Variants in YY1 observed in about 807,000 individuals in gnomAD.
The protein encoded by YY1 is transcriptional repressor protein YY1.
YY1 carries 2 observed loss-of-function variants against 35.6 expected under a neutral mutation model. That is an observed-to-expected ratio of 0.06 (90% CI 0.02 to 0.18). The LOEUF (loss-of-function observed/expected upper bound fraction) is 0.18, where lower values mean the gene tolerates loss of function less well. YY1 is among the 10% of genes least tolerant of loss of function. The pLI is 1.00. For synonymous variants in YY1, 268 were observed against 238.9 expected, an observed-to-expected ratio of 1.12 and a Z score of -1.12; for missense variants, 322 against 573.4, an observed-to-expected ratio of 0.56 and a Z score of 4.48.
chr14:100,246,518 CAAATT>C (rs897801669), intron 1 of YY1, among the ~76,000 whole-genome samples: 5 of 152,262 alleles, frequency 3.3e-5, no homozygotes, highest in South Asian at 2.1e-4. Context: ...TGAGAGGAGA[CAAATT>C]AAACTGCTGA....
intron 2 of YY1, among the ~76,000 whole-genome samples, chr14:100,265,115 C>T (rs575975775): frequency 2.2e-4 from 34 of 151,922 alleles, no homozygotes; most frequent in East Asian, 3.9e-4. Context: ...TGGTGGCTCA[C>T]GCCTGTAATC....
chr14:100,277,255 C>A lies in YY1; in HGVS notation c.1063-163C>A. ...CCTTGGGTTTTCGGGGTTGTCCAAC[C>A]TGCCTGCTGATTCTAGACTATATCC... On this transcript the variant is annotated intron_variant, in intron 4 of 4. Coordinates refer to ENST00000262238, the MANE Select transcript of YY1 (RefSeq NM_003403.5). This position sits in a 1 kb window ranked among gnomAD's most constrained non-coding sequence, Gnocchi z 5.6. 2 of 902,238 alleles carry A rather than the reference C, an allele frequency of 2.2e-6. No individual in the cohort carries two copies. The highest frequency in any genetic ancestry group is 3.5e-6 in the Non-Finnish European group (2 of 573,588). 55.9% of individuals were successfully genotyped at this position (902,238 alleles called of 1,614,324 possible). A position where few individuals can be genotyped will look rare whatever the true frequency, so the allele number is the denominator to read the frequency against.
chr14:100,245,718 T>G (rs1318689018), intron 1 of YY1, among the ~76,000 whole-genome samples: 1 of 152,058 alleles, frequency 6.6e-6, no homozygotes, highest in Middle Eastern at 3.2e-3. Flanking sequence ...GACATTCTCC[T>G]GCCTCAGCCT....
In YY1 at chr14:100,279,222, C is replaced by G. The variant is rs1228248167; in HGVS notation, c.*1622C>G. 6.6e-6 allele frequency: 1 copy of G among 152,216 alleles called. No homozygotes were observed. Among genetic ancestry groups the G allele is most frequent in the African/African-American group, 2.4e-5 (1 of 41,446 alleles). The allele number at this position is 152,216 out of a possible 1,614,324, so 9.4% of individuals were successfully genotyped here. ...AAATCTCATTTATTCAAAGTGCAAA[C>G]ATACTGTGTGTCTTTCTGTTTTGTG... On this transcript the variant is annotated 3_prime_UTR_variant, in exon 5 of 5. Coordinates refer to ENST00000262238, the MANE Select transcript of YY1 (RefSeq NM_003403.5).
intron 1 of YY1, among the ~76,000 whole-genome samples, chr14:100,261,740 G>A (rs1244366642): frequency 2.6e-5 from 4 of 152,228 alleles, no homozygotes; most frequent in Non-Finnish European, 5.9e-5. Context: ...AGTGAAGAGG[G>A]AGGAGGCTGG....
Position 100,262,639 on chromosome 14 carries a change from T to C in YY1, c.842+173T>C, listed in dbSNP as rs1169361131. Reference sequence around the variant, plus strand: ...TGTTTTTTGTTTCCTTTTTTTGAGATGGAGCCTCGCTCTGTTGCCCAGACT... The same window carrying C: ...TGTTTTTTGTTTCCTTTTTTTGAGACGGAGCCTCGCTCTGTTGCCCAGACT... On this transcript the variant is annotated intron_variant, in intron 2 of 4. Transcript: ENST00000262238. Among the ~76,000 whole-genome samples, 11 of 152,318 alleles carry C rather than the reference T, an allele frequency of 7.2e-5. No individual in the cohort carries two copies. The East Asian group carries it at 1.9e-3, about 27-fold the overall frequency.
At chr14:100,257,924 C>T (rs981704992) in intron 1 of YY1, among the ~76,000 whole-genome samples, 2 of 152,058 alleles carry the variant, frequency 1.3e-5, no homozygotes, top group Non-Finnish European at 2.9e-5. Flanking sequence ...TGCTTCAGCC[C>T]AGGAGTTCGA....
rs1490786458 is a variant in YY1, at chr14:100,276,883, A to G, written c.1062+235A>G. 3.5e-6 allele frequency: 2 copies of G among 572,382 alleles called. No individual in the cohort carries two copies. Among genetic ancestry groups the G allele is most frequent in the South Asian group, 2.0e-5 (1 of 49,688 alleles). 35.5% of individuals were successfully genotyped at this position (572,382 alleles called of 1,614,324 possible). ...CAATGTATTGGTGTTGATGGAGTAC[A>G]CTTTATGGCAGGAGGAGAACAGGAT... On this transcript the variant is annotated intron_variant, in intron 4 of 4. Coordinates refer to ENST00000262238, the MANE Select transcript of YY1 (RefSeq NM_003403.5). The surrounding 1 kb of genome is among the most constrained non-coding windows in gnomAD (Gnocchi z 4.1).
At chr14:100,250,360 CTTTTT>C (rs1566771605) in intron 1 of YY1, among the ~76,000 whole-genome samples, 1 of 152,080 alleles carries the variant, frequency 6.6e-6, no homozygotes, top group East Asian at 1.9e-4. Context: ...AGCGGTGACT[CTTTTT>C]TGTCTTTTTT....
In YY1 at chr14:100,281,750, A is replaced by G. The variant is rs1471143300; in HGVS notation, c.*4150A>G. ...ACCCCAAATTACTGACCCTTGATTT[A>G]TGTTGTTACTGCTCAGGTTATGCTC... On this transcript the variant is annotated 3_prime_UTR_variant, in exon 5 of 5. Transcript: ENST00000262238. The G allele has an allele frequency of 6.6e-6, 1 of 152,128 alleles. No individual in the cohort carries two copies. The highest frequency in any genetic ancestry group is 1.9e-4 in the East Asian group (1 of 5,196). 9.4% of individuals were successfully genotyped at this position (152,128 alleles called of 1,614,324 possible).
chr14:100,244,419 G>A (rs1202250906), intron 1 of YY1, among the ~76,000 whole-genome samples: 2 of 140,850 alleles, frequency 1.4e-5, no homozygotes, highest in African/African-American at 2.7e-5. Flanking sequence ...TCCACCTTCC[G>A]AGTAGCACGT....
chr14:100,256,938 G>C (rs1313794155), intron 1 of YY1, among the ~76,000 whole-genome samples: 1 of 151,702 alleles, frequency 6.6e-6, no homozygotes, highest in Non-Finnish European at 1.5e-5. Flanking sequence ...GTTGATTCCT[G>C]ATATAGGTCA....
At chr14:100,241,983 G>T (rs972554831) in intron 1 of YY1, among the ~76,000 whole-genome samples, 11 of 150,822 alleles carry the variant, frequency 7.3e-5, no homozygotes, top group Admixed American at 4.6e-4. Context: ...TCAAAAGGGG[G>T]GGGGGGGCAT....
At chr14:100,254,005 T>A (rs191374247) in intron 1 of YY1, among the ~76,000 whole-genome samples, 83 of 151,932 alleles carry the variant, frequency 5.5e-4, no homozygotes, top group Middle Eastern at 3.4e-3. Context: ...TCTTTTTTTT[T>A]ATATATTTTT....
In YY1 at chr14:100,281,365, C is replaced by T. The variant is rs549280599; in HGVS notation, c.*3765C>T. On this transcript the variant is annotated 3_prime_UTR_variant, in exon 5 of 5. Transcript: ENST00000262238. ...TGCCACAGCCATGCCATGAGGCTTCCTCCCAGCTGCTCTGCTGGCTTGCTG... is the reference window on the plus strand; with the variant it reads ...TGCCACAGCCATGCCATGAGGCTTCTTCCCAGCTGCTCTGCTGGCTTGCTG... 6.6e-6 allele frequency: 1 copy of T among 152,384 alleles called. No homozygotes were observed. Among genetic ancestry groups the T allele is most frequent in the South Asian group, 2.1e-4 (1 of 4,836 alleles). The allele number at this position is 152,384 out of a possible 1,614,324, so 9.4% of individuals were successfully genotyped here. A position where few individuals can be genotyped will look rare whatever the true frequency, so the allele number is the denominator to read the frequency against.
In YY1 at chr14:100,239,436, C is replaced by G. The variant is rs1224710941; in HGVS notation, c.192C>G (p.Gly64=). The change falls in exon 1 of 5, where the codon GGC becomes GGG. Residue 64 remains glycine, a synonymous_variant. Coordinates refer to ENST00000262238, the MANE Select transcript of YY1 (RefSeq NM_003403.5). ...GGGGDHGGGG[G]HGHAGHHHHH... Reference sequence around the variant, plus strand: ...GTGGCGACCACGGCGGCGGGGGCGGCCACGGGCACGCCGGCCACCACCACC... The same window carrying G: ...GTGGCGACCACGGCGGCGGGGGCGGGCACGGGCACGCCGGCCACCACCACC... 1.9e-6 allele frequency: 3 copies of G among 1,593,874 alleles called. No homozygotes were observed. The highest frequency in any genetic ancestry group is 2.6e-6 in the Non-Finnish European group (3 of 1,172,316).
chr14:100,275,457 G>A (rs773012995), intron 3 of YY1, among the ~76,000 whole-genome samples: 4 of 152,178 alleles, frequency 2.6e-5, no homozygotes, highest in Non-Finnish European at 5.9e-5. Flanking sequence ...TCTTGATGTG[G>A]CGATTTGAAA....
chr14:100,251,707 GTTTTAGCCTTA>G (rs148939545), intron 1 of YY1, among the ~76,000 whole-genome samples: 4,179 of 152,224 alleles, frequency 0.027, 183 homozygotes, highest in East Asian at 0.095. Flanking sequence ...ATGTTACCTT[GTTTTAGCCTTA>G]TAAGATCAGT....
intron 1 of YY1, among the ~76,000 whole-genome samples, chr14:100,247,944 ATTTC>A (rs966644409): frequency 1.1e-4 from 16 of 151,710 alleles, no homozygotes; most frequent in South Asian, 2.1e-4. Context: ...AATATACTCA[ATTTC>A]TTTCTTTCTT....
Sources: allele counts gnomAD v4.1 joint callset (sites outside exome capture counted in the v4.1 genomes callset), GRCh38; gene constraint gnomAD v4.1.1; non-coding constraint Gnocchi (gnomAD v3.1); transcripts MANE v1.5; gene names NCBI Gene and HGNC (gene_info 2026-07-23, HGNC 2026-07-21).